Variants in PKHD1L1 observed in about 807,000 individuals in gnomAD.
The protein encoded by PKHD1L1 is fibrocystin-L.
A neutral mutation model predicts 462.9 loss-of-function variants in PKHD1L1; 434 were observed. The observed-to-expected ratio is 0.94, with a 90% CI of 0.87 to 1.02. PKHD1L1 has a LOEUF of 1.02. Among genes scored for constraint, PKHD1L1 ranks in the 50% least tolerant of loss-of-function variants. The pLI is 0.00. For synonymous variants in PKHD1L1, 1,781 were observed against 1,750.0 expected (o/e 1.02, Z -0.44); for missense variants, 5,202 against 5,096.1 (o/e 1.02, Z -0.63).
Position 109,415,157 on chromosome 8 carries a change from C to CA in PKHD1L1, c.2360+1613dup, listed in dbSNP as rs200889305. On this transcript the variant is annotated intron_variant, in intron 21 of 77. Transcript: ENST00000378402. Reference sequence around the variant, plus strand: ...AGCTGGGACTGCAGGTGTGCACTACCACGCCCAGCTAATTTTTTTGTTTTT... The same window carrying CA: ...AGCTGGGACTGCAGGTGTGCACTACCAACGCCCAGCTAATTTTTTTGTTTTT... Among the ~76,000 whole-genome samples the CA allele has an allele frequency of 6.4e-3, 978 of 151,886 alleles. 7 individuals carry two copies. Among genetic ancestry groups the CA allele is most frequent in the Middle Eastern group, 0.051 (15 of 294 alleles).
intron 48 of PKHD1L1, among the ~76,000 whole-genome samples, chr8:109,463,200 G>A (rs1817236071): frequency 6.6e-6 from 1 of 152,040 alleles, no homozygotes; most frequent in Non-Finnish European, 1.5e-5. Flanking sequence ...TATGACACTA[G>A]AAACTCCTGT....
intron 12 of PKHD1L1, 74 bp from the exon 13 acceptor site, chr8:109,400,002 C>T (rs1483727501): frequency 7.0e-7 from 1 of 1,431,628 alleles, no homozygotes; most frequent in Non-Finnish European, 9.5e-7. Flanking sequence ...CTATAACCAA[C>T]ATCCAAATAG....
intron 19 of PKHD1L1, among the ~76,000 whole-genome samples, chr8:109,410,676 A>AAAATC (rs1179338953): frequency 6.7e-6 from 1 of 150,028 alleles, no homozygotes; most frequent in Non-Finnish European, 1.5e-5. Context: ...ACGCAGATCC[A>AAAATC]AAATCATGTA....
At chr8:109,428,813 G>T (rs1046614365) in intron 25 of PKHD1L1, among the ~76,000 whole-genome samples, 4 of 152,124 alleles carry the variant, frequency 2.6e-5, no homozygotes, top group Non-Finnish European at 5.9e-5. Flanking sequence ...GAGGAATTTT[G>T]TAAAGAACAA....
At position 109,442,020 on chromosome 8, in the gene PKHD1L1, T is replaced by C; in HGVS notation, c.4218T>C (p.Gly1406=). ...NNGKDSVHGL[G]YAWSPPVLNV... ...TCTTGCCCCCAGTACATGGATTAGG[T>C]TATGCCTGGTCACCACCAGTCCTAA... The change falls in exon 35 of 78, where the codon GGT becomes GGC. Residue 1406 remains glycine, a synonymous_variant. Coordinates refer to ENST00000378402, the MANE Select transcript of PKHD1L1 (RefSeq NM_177531.6). 6.2e-7 allele frequency: 1 copy of C among 1,607,492 alleles called. No homozygotes were observed. The highest frequency in any genetic ancestry group is 8.5e-7 in the Non-Finnish European group (1 of 1,177,470).
In PKHD1L1 at chr8:109,483,006, T is replaced by G. The variant is rs912558988; in HGVS notation, c.9477T>G (p.Asp3159Glu). ...CTTTAGGGGTGTTTGGTGAGCTGGA[T>G]CTTCATGGAATTCCACATTCAATAT... is the stretch of plus-strand genomic sequence containing the variant. ...AKVLGVFGEL[D>E]LHGIPHSIYK... The change falls in exon 57 of 78, where the codon GAT becomes GAG. Residue 3159 changes from aspartate (D) to glutamate (E), a missense_variant. By Grantham distance (45) the Asp-to-Glu change is conservative (BLOSUM62 2). Transcript: ENST00000378402. 2 of 1,594,060 alleles carry G rather than the reference T, an allele frequency of 1.3e-6. No individual in the cohort carries two copies. Among genetic ancestry groups the G allele is most frequent in the Non-Finnish European group, 1.7e-6 (2 of 1,170,458 alleles).
chr8:109,365,937 G>C (rs1221772804), intron 2 of PKHD1L1, among the ~76,000 whole-genome samples: 1 of 152,176 alleles, frequency 6.6e-6, no homozygotes, highest in African/African-American at 2.4e-5. Flanking sequence ...TCGCGCCACT[G>C]TACTCCAGCC....
At chr8:109,426,184 A>G (rs1475343082) in intron 24 of PKHD1L1, among the ~76,000 whole-genome samples, 1 of 152,082 alleles carries the variant, frequency 6.6e-6, no homozygotes, top group African/African-American at 2.4e-5. Context: ...TCTCTTTTAT[A>G]TTCATGACTT....
Position 109,523,368 on chromosome 8 carries a change from C to G in PKHD1L1, c.12466C>G (p.Leu4156Val). The G allele has an allele frequency of 6.2e-7, 1 of 1,612,874 alleles. No homozygotes were observed. Among genetic ancestry groups the G allele is most frequent in the Non-Finnish European group, 8.5e-7 (1 of 1,179,198 alleles). The change falls in exon 76 of 78, where the codon CTT (leucine) becomes GTT (valine). Residue 4156 changes from leucine (L) to valine (V), a missense_variant. This residue lies in a region of PKHD1L1 where 698 missense variants were observed against 736.3 expected (regional missense o/e 0.95). Coordinates refer to ENST00000378402, the MANE Select transcript of PKHD1L1 (RefSeq NM_177531.6). ...FSSCWANYTDLTPLRTGKNYK... is the reference protein window; with the variant it reads ...FSSCWANYTDVTPLRTGKNYK... ...CAGCTGTTGGGCCAACTACACAGAC[C>G]TTACTCCCCTTAGAACAGGTGGGTG...
At chr8:109,472,610 T>C (rs942366975) in intron 50 of PKHD1L1, among the ~76,000 whole-genome samples, 7 of 152,132 alleles carry the variant, frequency 4.6e-5, no homozygotes, top group African/African-American at 1.7e-4. Context: ...ACATTGCAAA[T>C]AGTAACTACT....
rs1814338875 is a variant in PKHD1L1 at position 109,419,203 on chromosome 8, T to G, written c.2467T>G (p.Ser823Ala). The change falls in exon 22 of 78, where the codon TCC becomes GCC. Residue 823 changes from serine to alanine, a missense_variant. By Grantham distance (99) the Ser-to-Ala change is moderately conservative (BLOSUM62 1). Coordinates refer to ENST00000378402, the MANE Select transcript of PKHD1L1 (RefSeq NM_177531.6). ...CTTACATAAAGCATCAGAATCACAG[T>G]CCTTCTATGTGGATGTAGTGTACAT... is the stretch of plus-strand genomic sequence containing the variant. ...ISLHKASESQ[S>A]FYVDVVYIGH... 1 of 1,612,932 alleles carries G rather than the reference T, an allele frequency of 6.2e-7. No homozygotes were observed. Among genetic ancestry groups the G allele is most frequent in the African/African-American group, 1.3e-5 (1 of 74,906 alleles).
At chr8:109,445,983 T>G (rs1383675551) in intron 38 of PKHD1L1, among the ~76,000 whole-genome samples, 2 of 151,762 alleles carry the variant, frequency 1.3e-5, no homozygotes, top group African/African-American at 4.9e-5. Flanking sequence ...GAAACTCTAG[T>G]TAAAAATCAA....
intron 11 of PKHD1L1, 42 bp downstream of exon 11, chr8:109,396,179 A>T (rs747402245): frequency 3.0e-6 from 4 of 1,345,092 alleles, no homozygotes; most frequent in Non-Finnish European, 4.2e-6. Context: ...ATTACCACAA[A>T]TTCTGCCTGC....
At position 109,498,481 on chromosome 8, in the gene PKHD1L1, G is replaced by A. The variant is rs753199377; in HGVS notation, c.10619G>A (p.Ser3540Asn). Residue 3540 changes from serine (S) to asparagine (N), a missense_variant, in exon 66 of 78, where the codon AGT (serine) becomes AAT (asparagine). Ser to Asn is a conservative substitution (Grantham distance 46). Transcript: ENST00000378402. ...AAACAGAGCTCATTAATTGTTGGAAGTAGCCCTGGGTTTAATTGCTCTGAT... is the reference window on the plus strand; with the variant it reads ...AAACAGAGCTCATTAATTGTTGGAAATAGCCCTGGGTTTAATTGCTCTGAT... ...VQIKSSLIVG[S>N]SPGFNCSDVL... The A allele has an allele frequency of 2.5e-6, 4 of 1,611,072 alleles. No homozygotes were observed. Among genetic ancestry groups the A allele is most frequent in the African/African-American group, 2.7e-5 (2 of 74,864 alleles).
chr8:109,420,819 T>G (rs930697316), intron 23 of PKHD1L1, 129 bp downstream of exon 23: 1 of 696,662 alleles, frequency 1.4e-6, no homozygotes, highest in African/African-American at 1.9e-5. Flanking sequence ...ATATGAAGAT[T>G]TGGAGTATGA....
chr8:109,371,879 A>C (rs376314210), intron 2 of PKHD1L1, among the ~76,000 whole-genome samples: 233 of 152,080 alleles, frequency 1.5e-3, no homozygotes, highest in East Asian at 3.1e-3. Context: ...GTTTTGGTAC[A>C]AGTACCATGC....
At chr8:109,522,066 A>C in intron 73 of PKHD1L1, 120 bp from the exon 74 acceptor site, 1 of 989,268 alleles carries the variant, frequency 1.0e-6, no homozygotes, top group South Asian at 1.9e-5. Context: ...TAAGACTAGA[A>C]AGCCTTAGAA....
In PKHD1L1 at chr8:109,364,624, A is replaced by G. The variant is rs1032674311; in HGVS notation, c.151A>G (p.Ile51Val). ...TATAAATGGAGCAACAAGGCTGACT[A>G]TAAGAGGGGAAGGTATCGTTGCTTT... ...GSINGATRLT[I>V]RGEGFSQANQ... The change falls in exon 2 of 78, where the codon ATA (isoleucine) becomes GTA (valine). Residue 51 changes from isoleucine (I) to valine (V), a missense_variant. Around this residue, in one of 3 missense-constraint regions of PKHD1L1, gnomAD observed 4,497 missense variants for 4,336.8 expected, o/e 1.04. Coordinates refer to ENST00000378402, the MANE Select transcript of PKHD1L1 (RefSeq NM_177531.6). 4 of 1,561,146 alleles carry G rather than the reference A, an allele frequency of 2.6e-6. No individual in the cohort carries two copies. The highest frequency in any genetic ancestry group is 1.7e-4 in the Middle Eastern group (1 of 5,936).
intron 11 of PKHD1L1, among the ~76,000 whole-genome samples, chr8:109,397,060 C>A (rs978984661): frequency 7.9e-5 from 12 of 152,124 alleles, no homozygotes; most frequent in African/African-American, 2.7e-4. Flanking sequence ...TTAATCTGAC[C>A]AGATTTTATG....
Sources: gnomAD v4.1 joint callset for allele counts (sites outside exome capture counted in the v4.1 genomes callset) on GRCh38, gnomAD v4.1.1 for gene constraint, gnomAD v4.1.1 regional missense constraint, MANE v1.5 for transcripts, NCBI Gene and HGNC (gene_info 2026-07-23, HGNC 2026-07-21) for gene names.